The following GLP2R variants were observed in gnomAD, a reference collection of about 807,000 sequenced individuals.
GLP2R encodes the protein glucagon-like peptide 2 receptor.
In GLP2R, 59 loss-of-function variants were observed where a neutral mutation model predicts 68.2. The observed-to-expected ratio is 0.87, with a 90% confidence interval of 0.70 to 1.07. GLP2R has a LOEUF of 1.07. Among genes scored for constraint, GLP2R ranks in the 50% least tolerant of loss-of-function variants. The probability of loss-of-function intolerance (pLI) is 0.00; values close to 1 mark genes in which losing one functional copy is unlikely to be tolerated. For missense variants in GLP2R, 548 were observed against 677.4 expected, an observed-to-expected ratio of 0.81 and a Z score of 2.12; for synonymous variants, 270 against 265.4, an observed-to-expected ratio of 1.02 and a Z score of -0.17.
chr17:9,888,499 C>T (rs1055146666), intron 12 of GLP2R, among the ~76,000 whole-genome samples: 1 of 152,208 alleles, frequency 6.6e-6, no homozygotes, highest in East Asian at 1.9e-4. Flanking sequence ...CAGAGTCTCA[C>T]TCTGTTGCCC....
chr17:9,826,549 C>A lies in GLP2R; in HGVS notation c.189+297C>A, dbSNP rs77350732. On this transcript the variant is annotated intron_variant, in intron 1 of 12. Coordinates refer to ENST00000262441, the MANE Select transcript of GLP2R (RefSeq NM_004246.3). ...GCATCATATTATAAGCATTTCCCCA[C>A]GTCAATGTGAGTTCTGCAAATAGCA... Among the ~76,000 whole-genome samples the A allele has an allele frequency of 2.5e-3, 388 of 152,226 alleles. 2 individuals carry two copies. The highest frequency in any genetic ancestry group is 4.1e-3 in the Non-Finnish European group (282 of 68,018).
intron 6 of GLP2R, 127 bp downstream of exon 6, chr17:9,857,703 C>T: frequency 2.2e-6 from 2 of 899,098 alleles, no homozygotes; most frequent in Non-Finnish European, 3.5e-6. Flanking sequence ...GACTTTCTGG[C>T]TAGAGAAGTA....
chr17:9,888,572 T>C (rs1299957580), intron 12 of GLP2R, among the ~76,000 whole-genome samples: 1 of 152,202 alleles, frequency 6.6e-6, no homozygotes, highest in Non-Finnish European at 1.5e-5. Context: ...ATTCAAGCGA[T>C]TCTCATGCCT....
intron 10 of GLP2R, among the ~76,000 whole-genome samples, chr17:9,875,624 G>T (rs1166698426): frequency 6.6e-6 from 1 of 152,176 alleles, no homozygotes; most frequent in East Asian, 1.9e-4. Flanking sequence ...AATAAAAAAT[G>T]GTCCATCTGT....
rs35950679 is a variant in GLP2R, at chr17:9,835,025, C to CTT, written c.277+1152_277+1153dup. 8.7e-3 allele frequency among the ~76,000 whole-genome samples: 725 copies of CTT among 83,154 alleles called. 13 individuals carry two copies. Among genetic ancestry groups the CTT allele is most frequent in the African/African-American group, 0.027 (583 of 21,658 alleles). The allele number at this position is 83,154 out of a possible 152,430, so 54.6% of individuals were successfully genotyped here. On this transcript the variant is annotated intron_variant, in intron 2 of 12. Coordinates refer to ENST00000262441, the MANE Select transcript of GLP2R (RefSeq NM_004246.3). ...AAGATTTCAATGCCAGAAACCTGGC[C>CTT]TTTTTTTTTTTTTTTTTTTTTTGAG...
At chr17:9,856,930 T>A (rs2066938673) in intron 5 of GLP2R, among the ~76,000 whole-genome samples, 1 of 152,200 alleles carries the variant, frequency 6.6e-6, no homozygotes, top group South Asian at 2.1e-4. Flanking sequence ...ATAGCTATTT[T>A]TTTTTTTTCT....
chr17:9,859,979 A>G lies in GLP2R; in HGVS notation c.803A>G (p.His268Arg), dbSNP rs1358741760. 1 of 1,612,992 alleles carries G rather than the reference A, an allele frequency of 6.2e-7. No individual in the cohort carries two copies. The highest frequency in any genetic ancestry group is 8.5e-7 in the Non-Finnish European group (1 of 1,179,838). The stretch of plus-strand genomic sequence containing the variant: ...TGCCGCTCAGTCCAGGTTCTCTTGC[A>G]TTACTTTGTGGGTGCCAATTACTTA... ...TSCRSVQVLL[H>R]YFVGANYLWL... is the part of the protein sequence containing the mutation. Residue 268 changes from histidine to arginine, a missense_variant, in exon 7 of 13, where the codon CAT becomes CGT. His to Arg is a conservative substitution (Grantham distance 29, BLOSUM62 0). Transcript: ENST00000262441.
At chr17:9,839,169 G>T (rs2152032571) in intron 3 of GLP2R, among the ~76,000 whole-genome samples, 1 of 152,296 alleles carries the variant, frequency 6.6e-6, no homozygotes, top group South Asian at 2.1e-4. Context: ...AGAGCATGCA[G>T]CTATTGGACA....
chr17:9,877,685 C>A (rs1034034537), intron 10 of GLP2R, among the ~76,000 whole-genome samples: 3 of 151,744 alleles, frequency 2.0e-5, no homozygotes, highest in African/African-American at 7.3e-5. Flanking sequence ...GTCAGGAGAT[C>A]GAGACCACGG....
chr17:9,828,965 C>T (rs994238009), intron 1 of GLP2R, among the ~76,000 whole-genome samples: 1 of 152,314 alleles, frequency 6.6e-6, no homozygotes, highest in East Asian at 1.9e-4. Flanking sequence ...GGTTCTCCAT[C>T]TTAACCCCAT....
intron 10 of GLP2R, 144 bp from the exon 11 acceptor site, chr17:9,880,234 G>A (rs187747496): frequency 1.6e-4 from 99 of 621,552 alleles, no homozygotes; most frequent in African/African-American, 1.0e-3. Flanking sequence ...GCCCTGAAGC[G>A]TTAAATGTTG....
At chr17:9,837,488 A>G (rs2066743756) in intron 3 of GLP2R, among the ~76,000 whole-genome samples, 1 of 152,204 alleles carries the variant, frequency 6.6e-6, no homozygotes, top group South Asian at 2.1e-4. Flanking sequence ...GCTAACCTCC[A>G]CACAATTTTT....
At chr17:9,867,367 C>T (rs538224735) in intron 9 of GLP2R, among the ~76,000 whole-genome samples, 63 of 152,202 alleles carry the variant, frequency 4.1e-4, no homozygotes, top group Non-Finnish European at 7.2e-4. Flanking sequence ...AATCCAGATG[C>T]GTCAGCAAAC....
In GLP2R at chr17:9,846,058, G is replaced by A. The variant is rs183527521; in HGVS notation, c.504+3442G>A. Reference sequence around the variant, plus strand: ...TATTTTAAAATAATTCTAGTTCATCGAATACATCAACTTTATATGTTGAGT... The same window carrying A: ...TATTTTAAAATAATTCTAGTTCATCAAATACATCAACTTTATATGTTGAGT... On this transcript the variant is annotated intron_variant, in intron 4 of 12. Transcript: ENST00000262441. 4.6e-5 allele frequency among the ~76,000 whole-genome samples: 7 copies of A among 151,918 alleles called. No homozygotes were observed. The East Asian group carries it at 9.6e-4, about 21-fold the overall frequency.
intron 9 of GLP2R, chr17:9,866,855 A>G (rs1404042749): frequency 6.6e-6 from 1 of 152,230 alleles, no homozygotes; most frequent in Non-Finnish European, 1.5e-5. Flanking sequence ...CCAACTCTAA[A>G]AGAGAATTCC....
chr17:9,859,954 T>A lies in GLP2R; in HGVS notation c.778T>A (p.Cys260Ser), dbSNP rs2066972316. 1 of 1,606,196 alleles carries A rather than the reference T, an allele frequency of 6.2e-7. No individual in the cohort carries two copies. The highest frequency in any genetic ancestry group is 1.3e-5 in the African/African-American group (1 of 74,634). Reference sequence around the variant, plus strand: ...TTTTCCTCTGCAGATGTCCACCTCCTGCCGCTCAGTCCAGGTTCTCTTGCA... The same window carrying A: ...TTTTCCTCTGCAGATGTCCACCTCCAGCCGCTCAGTCCAGGTTCTCTTGCA... Reference protein sequence around the residue: ...MSYLSEMSTSCRSVQVLLHYF... With the variant: ...MSYLSEMSTSSRSVQVLLHYF... Residue 260 changes from cysteine (C) to serine (S), a missense_variant, in exon 7 of 13, where the codon TGC becomes AGC. Physicochemically the swap from Cys to Ser is moderately radical, Grantham distance 112. Coordinates refer to ENST00000262441, the MANE Select transcript of GLP2R (RefSeq NM_004246.3).
intron 4 of GLP2R, among the ~76,000 whole-genome samples, chr17:9,845,783 A>G (rs2066832310): frequency 1.4e-5 from 2 of 145,690 alleles, no homozygotes; most frequent in South Asian, 4.3e-4. Flanking sequence ...GTAATATTTC[A>G]TTTGACTTTC....
At chr17:9,873,191 A>G (rs543803028) in intron 10 of GLP2R, among the ~76,000 whole-genome samples, 123 of 152,288 alleles carry the variant, frequency 8.1e-4, no homozygotes, top group Non-Finnish European at 1.5e-3. Flanking sequence ...GGTGCCAGGA[A>G]AACCAGGGTG....
chr17:9,872,845 T>C (rs1025661084), intron 10 of GLP2R, among the ~76,000 whole-genome samples: 2 of 152,180 alleles, frequency 1.3e-5, no homozygotes, highest in African/African-American at 4.8e-5. Flanking sequence ...TGGTTATAAA[T>C]ATGGGTGGCC....
Sources: gnomAD v4.1 joint callset for allele counts (sites outside exome capture counted in the v4.1 genomes callset) on GRCh38, gnomAD v4.1.1 for gene constraint, MANE v1.5 for transcripts, NCBI Gene and HGNC (gene_info 2026-07-23, HGNC 2026-07-21) for gene names.